Variants in RBFOX1 observed in about 807,000 individuals in gnomAD.
RBFOX1 encodes the protein RNA binding fox-1 homolog 1, also known as RNA binding protein fox-1 homolog 1.
A neutral mutation model predicts 57.7 loss-of-function variants in RBFOX1; 8 were observed. The observed-to-expected ratio is 0.14, with a 90% CI of 0.08 to 0.25. RBFOX1 has a LOEUF of 0.25. Among genes scored for constraint, RBFOX1 ranks in the 10% least tolerant of loss-of-function variants. The pLI is 1.00. For missense variants in RBFOX1, 611 were observed against 548.5 expected (o/e 1.11, Z -1.14); for synonymous variants, 326 against 222.4 (o/e 1.47, Z -4.15).
At chr16:5,702,230 T>C (rs1175754702) in intron 3 of RBFOX1, among the ~76,000 whole-genome samples, 1 of 152,142 alleles carries the variant, frequency 6.6e-6, no homozygotes, top group Non-Finnish European at 1.5e-5. Flanking sequence ...TCAGGAAACT[T>C]ACAATTATAG....
intron 11 of RBFOX1, among the ~76,000 whole-genome samples, chr16:7,638,449 A>T (rs17686403): frequency 6.6e-6 from 1 of 151,986 alleles, no homozygotes; most frequent in Non-Finnish European, 1.5e-5. Flanking sequence ...AACAGGATGG[A>T]CTCCAAGAAA....
At chr16:6,351,807 T>C (rs7187473) in intron 2 of RBFOX1, among the ~76,000 whole-genome samples, 44,684 of 152,042 alleles carry the variant, frequency 0.29, 6,933 homozygotes, top group Middle Eastern at 0.39. Context: ...AAAATAAGGA[T>C]ATTAGCATTT....
intron 2 of RBFOX1, among the ~76,000 whole-genome samples, chr16:6,407,186 T>C (rs1177390464): frequency 6.6e-6 from 1 of 152,206 alleles, no homozygotes; most frequent in Non-Finnish European, 1.5e-5. Flanking sequence ...TATGTCTATA[T>C]GTCTATACAT....
At chr16:6,151,615 C>G (rs1170980896) in intron 1 of RBFOX1, among the ~76,000 whole-genome samples, 1 of 152,088 alleles carries the variant, frequency 6.6e-6, no homozygotes, top group Non-Finnish European at 1.5e-5. Flanking sequence ...CATTCTCCAT[C>G]TTCATGCATT....
chr16:6,062,619 A>AATATAATATATAACATATAC (rs1555492756), intron 1 of RBFOX1, among the ~76,000 whole-genome samples: 2 of 135,560 alleles, frequency 1.5e-5, no homozygotes, highest in East Asian at 2.0e-4. Flanking sequence ...ATAATATATA[A>AATATAATATATAACATATAC]ATATATATAA....
At chr16:7,075,832 A>C (rs1221366294) in intron 4 of RBFOX1, among the ~76,000 whole-genome samples, 2 of 151,646 alleles carry the variant, frequency 1.3e-5, no homozygotes, top group African/African-American at 4.8e-5. Context: ...TGCCTGCCTC[A>C]GCTTCCCAAA....
chr16:7,065,705 G>T (rs962995400), intron 4 of RBFOX1, among the ~76,000 whole-genome samples: 5 of 151,986 alleles, frequency 3.3e-5, no homozygotes, highest in Admixed American at 2.6e-4. Context: ...AATATAATAC[G>T]CTGTGATTAC....
intron 2 of RBFOX1, among the ~76,000 whole-genome samples, chr16:6,606,710 G>A (rs1256093321): frequency 6.6e-6 from 1 of 152,160 alleles, no homozygotes; most frequent in Non-Finnish European, 1.5e-5. Flanking sequence ...TGGCCGTATA[G>A]CATTCCATGT....
At chr16:7,597,153 G>C in intron 8 of RBFOX1, 1 of 428,740 alleles carries the variant, frequency 2.3e-6, no homozygotes, top group Admixed American at 4.3e-5. Context: ...ATATGACATT[G>C]CTTTATTGAA....
intron 4 of RBFOX1, among the ~76,000 whole-genome samples, chr16:5,886,353 C>T (rs993650035): frequency 6.6e-6 from 1 of 152,240 alleles, no homozygotes; most frequent in Admixed American, 6.5e-5. Flanking sequence ...GTGCTTAGCC[C>T]AGTACCCAGC....
chr16:7,314,181 C>T (rs982563122), intron 4 of RBFOX1, among the ~76,000 whole-genome samples: 2 of 152,184 alleles, frequency 1.3e-5, no homozygotes, highest in African/African-American at 4.8e-5. Context: ...GTGTATTTCT[C>T]CGCAACCAAT....
rs553779358 is a variant in RBFOX1, at chr16:6,358,502, T to C, written c.-64+41445T>C. On this transcript the variant is annotated intron_variant, in intron 2 of 15. Coordinates refer to ENST00000550418, the MANE Select transcript of RBFOX1 (RefSeq NM_018723.4). ...ATAATTCACTAATTAATCCCATAGA[T>C]AAAGATCCAGCTGAAGAGTCTCATT... Among the ~76,000 whole-genome samples, 16 of 152,330 alleles carry C rather than the reference T, an allele frequency of 1.1e-4. No homozygotes were observed. The South Asian group carries it at 3.3e-3, about 32-fold the overall frequency.
chr16:7,376,899 G>T (rs375877736), intron 4 of RBFOX1, among the ~76,000 whole-genome samples: 2 of 152,040 alleles, frequency 1.3e-5, no homozygotes, highest in Non-Finnish European at 2.9e-5. Flanking sequence ...TTCCTAGGAG[G>T]TACCCAGTGC....
chr16:5,618,803 A>G (rs1483288788), intron 3 of RBFOX1, among the ~76,000 whole-genome samples: 5 of 152,230 alleles, frequency 3.3e-5, no homozygotes, highest in Non-Finnish European at 7.3e-5. Context: ...GCTTTTACTT[A>G]AAAGCGTTAA....
chr16:6,377,879 C>T (rs1279152229), intron 2 of RBFOX1, among the ~76,000 whole-genome samples: 1 of 152,180 alleles, frequency 6.6e-6, no homozygotes, highest in Non-Finnish European at 1.5e-5. Flanking sequence ...CCTCCCTGCT[C>T]CCAGCTGAGC....
chr16:5,772,000 T>C (rs1277941147), intron 3 of RBFOX1, among the ~76,000 whole-genome samples: 1 of 152,062 alleles, frequency 6.6e-6, no homozygotes, highest in Non-Finnish European at 1.5e-5. Flanking sequence ...GGTGAAACCC[T>C]GTCTCTATTA....
intron 3 of RBFOX1, among the ~76,000 whole-genome samples, chr16:6,772,769 G>A (rs565684718): frequency 2.3e-4 from 35 of 150,528 alleles, no homozygotes; most frequent in African/African-American, 8.0e-4. Context: ...GTGTGCATAT[G>A]TTGGGATGTG....
chr16:5,825,773 C>G (rs2056019210), intron 3 of RBFOX1, among the ~76,000 whole-genome samples: 2 of 148,060 alleles, frequency 1.4e-5, no homozygotes, highest in African/African-American at 2.4e-5. Flanking sequence ...AATAATATTC[C>G]TTAATATGAA....
At chr16:6,044,944 CTA>C (rs1271669733) in intron 1 of RBFOX1, among the ~76,000 whole-genome samples, 1 of 152,196 alleles carries the variant, frequency 6.6e-6, no homozygotes, top group Admixed American at 6.5e-5. Context: ...GCTATTTGTG[CTA>C]TGTCAGTGGC....
Sources: allele counts gnomAD v4.1 joint callset (sites outside exome capture counted in the v4.1 genomes callset), GRCh38; gene constraint gnomAD v4.1.1; transcripts MANE v1.5; gene names NCBI Gene and HGNC (gene_info 2026-07-23, HGNC 2026-07-21).